MACROD2: variants seen among roughly 807,000 people sequenced by gnomAD.
MACROD2 encodes mono-ADP ribosylhydrolase 2.
A neutral mutation model predicts 70.4 loss-of-function variants in MACROD2; 36 were observed. The ratio of observed to expected loss-of-function variants is 0.51; its 90% CI spans 0.39 to 0.68. The LOEUF is 0.68. MACROD2 is among the 30% of genes least tolerant of loss of function. The probability of loss-of-function intolerance (pLI) is 0.00; values close to 1 mark genes in which losing one functional copy is unlikely to be tolerated. For missense variants in MACROD2, 496 were observed against 538.4 expected (o/e 0.92, Z 0.78); for synonymous variants, 172 against 178.8 (o/e 0.96, Z 0.30).
intron 3 of MACROD2, among the ~76,000 whole-genome samples, chr20:14,159,280 A>G (rs2055149752): frequency 6.6e-6 from 1 of 152,156 alleles, no homozygotes; most frequent in Admixed American, 6.5e-5. Context: ...TAACATTAGT[A>G]TTTTTGTAGG....
At chr20:14,446,398 C>T (rs1250783647) in intron 3 of MACROD2, among the ~76,000 whole-genome samples, 1 of 152,092 alleles carries the variant, frequency 6.6e-6, no homozygotes, top group Non-Finnish European at 1.5e-5. Context: ...TTGAACCAGG[C>T]TGTCTGACTT....
intron 8 of MACROD2, among the ~76,000 whole-genome samples, chr20:15,726,443 CAG>C (rs899270554): frequency 2.2e-4 from 33 of 152,052 alleles, no homozygotes; most frequent in African/African-American, 8.0e-4. Context: ...CTTTGGGTAA[CAG>C]AATAATGGAA....
At chr20:15,350,258 T>C (rs527906584) in intron 6 of MACROD2, among the ~76,000 whole-genome samples, 8 of 152,324 alleles carry the variant, frequency 5.3e-5, no homozygotes, top group East Asian at 1.9e-4. Context: ...AATGATAATG[T>C]TGTTCACAGG....
At chr20:14,933,823 A>G (rs2074317330) in intron 5 of MACROD2, 1 of 152,168 alleles carries the variant, frequency 6.6e-6, no homozygotes, top group African/African-American at 2.4e-5. Context: ...ATTGAAGGTA[A>G]TGGTTTACTC....
chr20:14,849,323 A>T (rs2073174260), intron 5 of MACROD2, among the ~76,000 whole-genome samples: 2 of 152,068 alleles, frequency 1.3e-5, no homozygotes, highest in Admixed American at 1.3e-4. Context: ...TCACCTCATG[A>T]TTGCTTTATT....
chr20:15,350,888 T>C (rs2023506), intron 6 of MACROD2, among the ~76,000 whole-genome samples: 102,163 of 151,868 alleles, frequency 0.67, 35,084 homozygotes, highest in African/African-American at 0.81. Flanking sequence ...ATTTTTCTTC[T>C]CCTATCCTCT....
At chr20:14,745,509 A>G (rs988350721) in intron 5 of MACROD2, among the ~76,000 whole-genome samples, 2 of 152,176 alleles carry the variant, frequency 1.3e-5, no homozygotes, top group Admixed American at 1.3e-4. Flanking sequence ...TGGATATCAT[A>G]GTGGTTAAGG....
chr20:15,551,697 C>T (rs767853828), intron 8 of MACROD2, among the ~76,000 whole-genome samples: 9 of 151,712 alleles, frequency 5.9e-5, no homozygotes, highest in Non-Finnish European at 1.0e-4. Flanking sequence ...GGCGGAACCC[C>T]GTCTCTACAA....
intron 4 of MACROD2, chr20:14,547,763 A>G (rs907413360): frequency 2.0e-5 from 3 of 152,218 alleles, no homozygotes; most frequent in Admixed American, 1.3e-4. Flanking sequence ...CAGCTGGGAG[A>G]TTCTCCTCGA....
chr20:14,199,664 G>A (rs1457688690), intron 3 of MACROD2, among the ~76,000 whole-genome samples: 1 of 151,990 alleles, frequency 6.6e-6, no homozygotes, highest in Non-Finnish European at 1.5e-5. Flanking sequence ...TTTTCATGTA[G>A]TATTCTGTTA....
rs191730794 is a variant in MACROD2, at chr20:14,436,352, T to A, written c.272-57127T>A. ...AAATATAAACAATGTACCTTCCATATCATGAAGCCGATTTCAAACTAACTT... is the reference window on the plus strand; with the variant it reads ...AAATATAAACAATGTACCTTCCATAACATGAAGCCGATTTCAAACTAACTT... On this transcript the variant is annotated intron_variant, in intron 3 of 17. Transcript: ENST00000684519. Among the ~76,000 whole-genome samples, 47 of 152,334 alleles carry A rather than the reference T, an allele frequency of 3.1e-4. 1 individual carries two copies. Among genetic ancestry groups the A allele is most frequent in the Admixed American group, 2.6e-3 (40 of 15,300 alleles).
At chr20:15,970,183 G>A (rs930914649) in intron 13 of MACROD2, among the ~76,000 whole-genome samples, 1 of 151,952 alleles carries the variant, frequency 6.6e-6, no homozygotes, top group Non-Finnish European at 1.5e-5. Flanking sequence ...AAAAAGAAAG[G>A]CACAGTTCAT....
intron 5 of MACROD2, among the ~76,000 whole-genome samples, chr20:14,909,301 C>T (rs529204928): frequency 2.6e-5 from 4 of 152,058 alleles, no homozygotes; most frequent in South Asian, 2.1e-4. Flanking sequence ...CCCAGGGCTT[C>T]GAATCTGGTT....
chr20:15,426,745 G>A (rs1275339049), intron 6 of MACROD2, among the ~76,000 whole-genome samples: 1 of 152,030 alleles, frequency 6.6e-6, no homozygotes, highest in African/African-American at 2.4e-5. Context: ...GGTTGCTAAT[G>A]TCATTCTCCA....
chr20:15,071,992 TG>T (rs1425970198), intron 5 of MACROD2, among the ~76,000 whole-genome samples: 2 of 152,158 alleles, frequency 1.3e-5, no homozygotes, highest in Non-Finnish European at 2.9e-5. Flanking sequence ...AAATGTGTTT[TG>T]TAACTCAGAA....
chr20:15,893,975 G>A, intron 10 of MACROD2: 3 of 456,232 alleles, frequency 6.6e-6, no homozygotes, highest in Non-Finnish European at 1.3e-5. Flanking sequence ...TCCTGCACTG[G>A]GCAGGAATAG....
chr20:14,641,871 C>T (rs1016097185), intron 4 of MACROD2, among the ~76,000 whole-genome samples: 1 of 152,080 alleles, frequency 6.6e-6, no homozygotes, highest in African/African-American at 2.4e-5. Flanking sequence ...TTTTGGAATG[C>T]TCAGTGGGCA....
At chr20:15,498,174 C>T (rs979085894) in intron 7 of MACROD2, among the ~76,000 whole-genome samples, 2 of 152,146 alleles carry the variant, frequency 1.3e-5, no homozygotes, top group African/African-American at 2.4e-5. Context: ...TGTCCCCTTT[C>T]TTAATGAACT....
intron 5 of MACROD2, among the ~76,000 whole-genome samples, chr20:14,942,334 CCTT>C (rs1314880903): frequency 1.3e-5 from 2 of 151,918 alleles, no homozygotes; most frequent in African/African-American, 4.8e-5. Flanking sequence ...TTGCTGCCCT[CCTT>C]CTCCTCCTCC....
Sources: gnomAD v4.1 joint callset for allele counts (sites outside exome capture counted in the v4.1 genomes callset) on GRCh38, gnomAD v4.1.1 for gene constraint, MANE v1.5 for transcripts, NCBI Gene and HGNC (gene_info 2026-07-23, HGNC 2026-07-21) for gene names.